The following STAG1 variants were observed in gnomAD, a reference collection of about 807,000 sequenced individuals.
STAG1 encodes the protein STAG1 cohesin complex component, also known as cohesin subunit SA-1.
In STAG1, 26 loss-of-function variants were observed where a neutral mutation model predicts 170.9. The ratio of observed to expected loss-of-function variants is 0.15; its 90% CI spans 0.11 to 0.21. STAG1 has a LOEUF of 0.21. STAG1 is among the 10% of genes least tolerant of loss of function. STAG1 has a pLI of 1.00. For missense variants in STAG1, 964 were observed against 1,509.5 expected (o/e 0.64, Z 5.99); for synonymous variants, 514 against 497.7 (o/e 1.03, Z -0.44).
chr3:136,546,149 T>A (rs2107732091), intron 5 of STAG1, among the ~76,000 whole-genome samples: 1 of 152,304 alleles, frequency 6.6e-6, no homozygotes, highest in East Asian at 1.9e-4. Context: ...TTCAAAGATG[T>A]CCAAAGTATT....
Position 136,338,239 on chromosome 3 carries a change from A to C in STAG1, c.*15T>G. 3 of 1,589,084 alleles carry C rather than the reference A, an allele frequency of 1.9e-6. No homozygotes were observed. The highest frequency in any genetic ancestry group is 2.6e-6 in the Non-Finnish European group (3 of 1,159,686). ...TAAATAATAGAGTTCCAGATTTGTA[A>C]ATTTTCTTCAGACTTCAGAACATAG... On this transcript the variant is annotated 3_prime_UTR_variant, in exon 34 of 34. Transcript: ENST00000383202.
intron 13 of STAG1, among the ~76,000 whole-genome samples, chr3:136,458,775 G>A (rs189054666): frequency 6.5e-4 from 99 of 152,184 alleles, no homozygotes; most frequent in African/African-American, 2.1e-3. Flanking sequence ...ATATTATGCC[G>A]TAAGAAACTC....
intron 1 of STAG1, among the ~76,000 whole-genome samples, chr3:136,742,914 T>C (rs565770406): frequency 4.6e-5 from 7 of 152,066 alleles, no homozygotes; most frequent in Non-Finnish European, 8.8e-5. Context: ...GCCTAAAATC[T>C]ATAACCTAAA....
intron 7 of STAG1, among the ~76,000 whole-genome samples, chr3:136,520,998 G>A (rs528634647): frequency 6.6e-6 from 1 of 152,200 alleles, no homozygotes; most frequent in South Asian, 2.1e-4. Context: ...CATTCAGACA[G>A]ACATTTGATG....
chr3:136,712,250 T>C (rs925505953), intron 1 of STAG1, among the ~76,000 whole-genome samples: 29 of 152,088 alleles, frequency 1.9e-4, no homozygotes, highest in African/African-American at 6.8e-4. Flanking sequence ...TCTCCTGACC[T>C]CATGATCCAA....
intron 1 of STAG1, among the ~76,000 whole-genome samples, chr3:136,734,108 C>CAAAAAAAAAAAAAAAAA (rs11456348): frequency 9.8e-6 from 1 of 101,800 alleles, no homozygotes; most frequent in Non-Finnish European, 2.2e-5. Context: ...GACTCCATCT[C>CAAAAAAAAAAAAAAAAA]AAAAAAAAAA....
chr3:136,662,217 T>A (rs1941606908), intron 1 of STAG1, among the ~76,000 whole-genome samples: 1 of 151,174 alleles, frequency 6.6e-6, no homozygotes, highest in Admixed American at 6.6e-5. Context: ...AGTGGCATGA[T>A]CTCAGCTCAC....
At chr3:136,524,805 A>AG (rs1185900321) in intron 6 of STAG1, among the ~76,000 whole-genome samples, 4 of 152,284 alleles carry the variant, frequency 2.6e-5, no homozygotes, top group African/African-American at 4.8e-5. Context: ...TTTAGCATGA[A>AG]GGCTGTTGAA....
intron 5 of STAG1, among the ~76,000 whole-genome samples, chr3:136,568,537 A>C (rs1576616935): frequency 6.6e-6 from 1 of 152,298 alleles, no homozygotes; most frequent in East Asian, 1.9e-4. Context: ...ATTTCCTCCC[A>C]AAATTTCAAA....
intron 29 of STAG1, among the ~76,000 whole-genome samples, chr3:136,348,041 T>C (rs1936298920): frequency 2.0e-5 from 3 of 152,204 alleles, no homozygotes; most frequent in African/African-American, 7.2e-5. Flanking sequence ...TTCTAATTAA[T>C]TTTGCCACAG....
At chr3:136,674,161 G>A (rs1338258941) in intron 1 of STAG1, among the ~76,000 whole-genome samples, 3 of 43,412 alleles carry the variant, frequency 6.9e-5, no homozygotes, top group Non-Finnish European at 1.1e-4. Context: ...GAGAGAGGGA[G>A]GGAGGGAGGG....
At chr3:136,428,115 T>C (rs2088187495) in intron 16 of STAG1, among the ~76,000 whole-genome samples, 1 of 151,850 alleles carries the variant, frequency 6.6e-6, no homozygotes, top group East Asian at 1.9e-4. Flanking sequence ...GGACACTTAT[T>C]AGTAAGGAAG....
chr3:136,715,634 T>G lies in STAG1; in HGVS notation c.-84+36561A>C, dbSNP rs149183218. On this transcript the variant is annotated intron_variant, in intron 1 of 33. Transcript: ENST00000383202. ...ACTCCATTTCAAAAAAGAAAAAAATTTTTAAGCAGTATATTTATATCTAAT... is the reference window on the plus strand; with the variant it reads ...ACTCCATTTCAAAAAAGAAAAAAATGTTTAAGCAGTATATTTATATCTAAT... Among the ~76,000 whole-genome samples the G allele has an allele frequency of 2.7e-3, 410 of 151,796 alleles. 2 individuals are homozygous for G. The highest frequency in any genetic ancestry group is 5.8e-3 in the South Asian group (28 of 4,804).
rs755446333 is a variant in STAG1 at position 136,699,028 on chromosome 3, G to A, written c.-84+53167C>T. ...AGCTAAGCTATGAGGACATAAAGGC[G>A]TAAGAATGATATAATGAACTTTGGG... is the stretch of plus-strand genomic sequence containing the variant. On this transcript the variant is annotated intron_variant, in intron 1 of 33. Transcript: ENST00000383202. Among the ~76,000 whole-genome samples the A allele has an allele frequency of 4.1e-4, 62 of 152,008 alleles. 1 individual carries two copies. The highest frequency in any genetic ancestry group is 7.4e-4 in the Non-Finnish European group (50 of 67,986).
intron 3 of STAG1, among the ~76,000 whole-genome samples, chr3:136,619,429 G>C (rs1365890608): frequency 2.0e-5 from 3 of 151,564 alleles, no homozygotes; most frequent in Admixed American, 1.3e-4. Context: ...AAACAGTTAA[G>C]TCATATTGGG....
intron 7 of STAG1, among the ~76,000 whole-genome samples, chr3:136,505,384 C>T (rs894352456): frequency 6.6e-6 from 1 of 152,150 alleles, no homozygotes; most frequent in Non-Finnish European, 1.5e-5. Flanking sequence ...CTGACCACAA[C>T]AAGTTTATTA....
chr3:136,752,072 G>GCTCGCGCT, intron 1 of STAG1, 123 bp downstream of exon 1: 1 of 152,782 alleles, frequency 6.5e-6, no homozygotes, highest in African/African-American at 2.4e-5. Flanking sequence ...CCCGCTCGCC[G>GCTCGCGCT]CTCGCGCTCT....
intron 9 of STAG1, among the ~76,000 whole-genome samples, chr3:136,486,444 C>T (rs960163286): frequency 2.0e-5 from 3 of 152,176 alleles, no homozygotes; most frequent in African/African-American, 7.2e-5. Context: ...CCCTCAAAAA[C>T]CAAAACACAA....
chr3:136,547,741 T>C (rs914683060), intron 5 of STAG1, among the ~76,000 whole-genome samples: 1 of 152,212 alleles, frequency 6.6e-6, no homozygotes, highest in South Asian at 2.1e-4. Context: ...CATTCATCCA[T>C]CCATCCACAG....
Sources: allele counts gnomAD v4.1 joint callset (sites outside exome capture counted in the v4.1 genomes callset), GRCh38; gene constraint gnomAD v4.1.1; transcripts MANE v1.5; gene names NCBI Gene and HGNC (gene_info 2026-07-23, HGNC 2026-07-21).